The following CCNH variants were observed in gnomAD, a reference collection of about 807,000 sequenced individuals.
CCNH encodes cyclin-H.
CCNH carries 31 observed loss-of-function variants against 41.9 expected under a neutral mutation model. That is an observed-to-expected ratio of 0.74 (90% CI 0.56 to 1.00). The LOEUF is 1.00. CCNH is among the 50% of genes least tolerant of loss of function. The pLI, the probability that CCNH is intolerant of heterozygous loss-of-function variation, is 0.00. For missense variants in CCNH, 362 were observed against 388.4 expected, an observed-to-expected ratio of 0.93 and a Z score of 0.57; for synonymous variants, 138 against 136.1, an observed-to-expected ratio of 1.01 and a Z score of -0.10.
At chr5:87,363,941 A>G (rs551128180) in intron 9 of CCNH, among the ~76,000 whole-genome samples, 3 of 152,204 alleles carry the variant, frequency 2.0e-5, no homozygotes, top group South Asian at 2.1e-4. Flanking sequence ...ATGTATTTGA[A>G]ATTAAAAAAA....
chr5:87,394,563 A>T, intron 8 of CCNH, 79 bp from the exon 9 acceptor site: 2 of 1,591,732 alleles, frequency 1.3e-6, no homozygotes, highest in African/African-American at 1.4e-5. Context: ...CCTTTAAGAA[A>T]ATGTTCTCCT....
In CCNH at chr5:87,395,046, C is replaced by T; in HGVS notation, c.931G>A (p.Glu311Lys). 1.2e-6 allele frequency: 2 copies of T among 1,608,904 alleles called. No individual in the cohort carries two copies. Among genetic ancestry groups the T allele is most frequent in the African/African-American group, 1.3e-5 (1 of 74,938 alleles). Residue 311 changes from glutamate to lysine, a missense_variant and splice_region_variant, in exon 8 of 9, where the codon GAG becomes AAG. Coordinates refer to ENST00000256897, the MANE Select transcript of CCNH (RefSeq NM_001239.4). ...DYVSKKSKHE[E>K]EEWTDDDLVE... ...TTCATCTTTGGAGTAAAACATACCT[C>T]CTCATGTTTGGATTTCTTTGAGACG...
chr5:87,353,196 T>A (rs918490291), intron 9 of CCNH: 1 of 1,610,592 alleles, frequency 6.2e-7, no homozygotes, highest in East Asian at 2.2e-5. Context: ...AAGAACAGAT[T>A]GTTGAAGGAT....
downstream of CCNH, chr5:87,372,086 A>G (rs375096620): frequency 1.4e-5 from 23 of 1,593,182 alleles, no homozygotes; most frequent in African/African-American, 2.7e-5. Context: ...AAACTAGTGT[A>G]TATTTCTTTG....
chr5:87,401,685 T>C lies in CCNH; in HGVS notation c.760+17A>G. 1 of 1,484,724 alleles carries C rather than the reference T, an allele frequency of 6.7e-7. No homozygotes were observed. Among genetic ancestry groups the C allele is most frequent in the Non-Finnish European group, 9.2e-7 (1 of 1,082,274 alleles). The allele number at this position is 1,484,724 out of a possible 1,614,324, so 92.0% of individuals were successfully genotyped here. A position where few individuals can be genotyped will look rare whatever the true frequency, so the allele number is the denominator to read the frequency against. ...GTATTGGAAGAAACATTTTGTAAAG[T>C]GTTCTCTTTTACTTACTTTTCATTA... On this transcript the variant is annotated intron_variant, in intron 6 of 8. Coordinates refer to ENST00000256897, the MANE Select transcript of CCNH (RefSeq NM_001239.4).
intron 2 of CCNH, 142 bp downstream of exon 2, chr5:87,411,082 T>C: frequency 1.3e-6 from 1 of 756,046 alleles, no homozygotes; most frequent in Non-Finnish European, 2.0e-6. Context: ...AAGGCCTGTA[T>C]TGAAAAATAT....
At chr5:87,330,944 T>C in intron 9 of CCNH, 1 of 1,429,246 alleles carries the variant, frequency 7.0e-7, no homozygotes, top group South Asian at 1.5e-5. Flanking sequence ...ATAGGTTCCA[T>C]GTGCCTTGTG....
intron 9 of CCNH, among the ~76,000 whole-genome samples, chr5:87,335,613 A>G (rs1248412158): frequency 1.3e-5 from 2 of 151,682 alleles, no homozygotes; most frequent in East Asian, 2.0e-4. Context: ...TTTAGTAGAG[A>G]TGGGGTTTCA....
exon 1 of CCNH, chr5:87,376,685 G>A (rs1347900826): frequency 2.3e-6 from 3 of 1,332,264 alleles, no homozygotes; most frequent in Non-Finnish European, 2.1e-6. Flanking sequence ...TGATGCCAGA[G>A]ATTTTAAACC....
In CCNH at chr5:87,319,456, C is replaced by T. The variant is rs75639709; in HGVS notation, c.*91-559G>A. On this transcript the variant is annotated intron_variant and NMD_transcript_variant, in intron 9 of 9. Coordinates refer to the CCNH transcript ENST00000645953. ...TGAAATCAAGGTGGAGGCTCCCAAA[C>T]CTCTTCTCTTGCCTTTTGTGCACCC... 2.4e-4 allele frequency among the ~76,000 whole-genome samples: 36 copies of T among 152,294 alleles called. No individual in the cohort carries two copies. The East Asian group carries it at 3.7e-3, about 15-fold the overall frequency.
At chr5:87,396,654 T>C (rs1173934298) in intron 7 of CCNH, among the ~76,000 whole-genome samples, 1 of 151,470 alleles carries the variant, frequency 6.6e-6, no homozygotes, top group Non-Finnish European at 1.5e-5. Flanking sequence ...GCCAGAAAAT[T>C]GGGCAAAGGG....
At chr5:87,312,535 T>C in the CCNH span, among the ~76,000 whole-genome samples, 3 of 152,214 alleles carry the variant, frequency 2.0e-5, no homozygotes, top group African/African-American at 7.2e-5. Context: ...AGAAGTTCTT[T>C]AGGGGCCAGC....
At chr5:87,401,392 C>T (rs1212232720) in intron 6 of CCNH, among the ~76,000 whole-genome samples, 27 of 152,228 alleles carry the variant, frequency 1.8e-4, no homozygotes, top group Non-Finnish European at 8.8e-5. Flanking sequence ...TTTCCCATTA[C>T]ATCTTTTTCA....
At chr5:87,410,817 A>G (rs746188136) in intron 2 of CCNH, among the ~76,000 whole-genome samples, 2 of 152,242 alleles carry the variant, frequency 1.3e-5, no homozygotes, top group Admixed American at 6.5e-5. Context: ...ATCTTATGGT[A>G]TCAGTTTCAG....
intron 9 of CCNH, chr5:87,369,870 C>T: frequency 6.2e-7 from 1 of 1,611,826 alleles, no homozygotes; most frequent in East Asian, 2.2e-5. Flanking sequence ...ACATCTTTTA[C>T]TTTGCAGGAG....
downstream of CCNH, chr5:87,374,767 T>A: frequency 6.3e-7 from 1 of 1,585,152 alleles, no homozygotes; most frequent in Middle Eastern, 1.7e-4. Flanking sequence ...GTTTATTTGA[T>A]ACTAGAACTA....
chr5:87,347,457 T>C (rs1427707498), intron 9 of CCNH, among the ~76,000 whole-genome samples: 1 of 152,032 alleles, frequency 6.6e-6, no homozygotes, highest in Non-Finnish European at 1.5e-5. Flanking sequence ...CCACATCTTA[T>C]AAAGATTTCA....
intron 9 of CCNH, among the ~76,000 whole-genome samples, chr5:87,385,932 A>G (rs1762033028): frequency 6.6e-6 from 1 of 152,046 alleles, no homozygotes; most frequent in South Asian, 2.1e-4. Flanking sequence ...TTGTTGTAAC[A>G]TATATTCTTG....
At chr5:87,386,983 TAGAA>T, downstream of CCNH, 1 of 1,292,864 alleles carries the variant, frequency 7.7e-7, no homozygotes, top group Non-Finnish European at 1.1e-6. Flanking sequence ...CAGCAATCTT[TAGAA>T]AGATTTTCTA....
Sources: allele counts gnomAD v4.1 joint callset (sites outside exome capture counted in the v4.1 genomes callset), GRCh38; gene constraint gnomAD v4.1.1; transcripts MANE v1.5; gene names NCBI Gene and HGNC (gene_info 2026-07-23, HGNC 2026-07-21).